PCNX1: variants seen among roughly 807,000 people sequenced by gnomAD.
PCNX1 encodes pecanex-like protein 1.
PCNX1 carries 78 observed loss-of-function variants against 242.2 expected under a neutral mutation model. That is an observed-to-expected ratio of 0.32 (90% CI 0.27 to 0.39). The LOEUF (loss-of-function observed/expected upper bound fraction) is 0.39, where lower values mean the gene tolerates loss of function less well. PCNX1 is among the 10% of genes least tolerant of loss of function. PCNX1 has a pLI of 1.00. For missense variants in PCNX1, 2,581 were observed against 2,856.5 expected, an observed-to-expected ratio of 0.90 and a Z score of 2.20; for synonymous variants, 1,024 against 1,032.9, an observed-to-expected ratio of 0.99 and a Z score of 0.17.
chr14:71,011,833 T>C (rs2059829358), intron 10 of PCNX1: 1 of 293,610 alleles, frequency 3.4e-6, no homozygotes, highest in Admixed American at 5.0e-5. Context: ...GTGTTATATA[T>C]AGGAAGTAAA....
chr14:71,057,669 T>G lies in PCNX1; in HGVS notation c.4797T>G (p.Leu1599=), dbSNP rs748474559. 5 of 1,613,830 alleles carry G rather than the reference T, an allele frequency of 3.1e-6. No homozygotes were observed. The African/African-American group carries it at 6.7e-5, about 22-fold the overall frequency. ...ASDYLNALVH[L]IEIGNGLVTF... ...ACTATCTCAATGCATTAGTACACCT[T>G]ATAGAGATAGGCAATGGTCTGGTCA... Residue 1599 remains leucine, a synonymous_variant, in exon 26 of 36, where the codon CTT becomes CTG. Coordinates refer to ENST00000304743, the MANE Select transcript of PCNX1 (RefSeq NM_014982.3).
intron 28 of PCNX1, among the ~76,000 whole-genome samples, chr14:71,077,452 C>T (rs1195287059): frequency 6.6e-6 from 1 of 152,194 alleles, no homozygotes; most frequent in African/African-American, 2.4e-5. Flanking sequence ...TACCGACCAT[C>T]TTCACGTTTA....
chr14:71,075,835 G>A (rs183322918), intron 27 of PCNX1, among the ~76,000 whole-genome samples: 138 of 152,116 alleles, frequency 9.1e-4, no homozygotes, highest in African/African-American at 3.2e-3. Context: ...GCAGTGAGCC[G>A]AGATTATGCC....
rs1297286720 is a variant in PCNX1 at position 71,109,924 on chromosome 14, G to A, written c.7015G>A (p.Ala2339Thr). 1.2e-6 allele frequency: 2 copies of A among 1,613,330 alleles called. No individual in the cohort carries two copies. The change falls in exon 36 of 36, where the codon GCT (alanine) becomes ACT (threonine). Residue 2339 changes from alanine to threonine, a missense_variant. Ala to Thr is a moderately conservative substitution (Grantham distance 58, BLOSUM62 0). This residue lies in a region of PCNX1 where 432 missense variants were observed against 433.6 expected (regional missense o/e 1.00). Transcript: ENST00000304743. ...VIETGVLELGAEV is the reference protein window; with the variant it reads ...VIETGVLELGTEV The stretch of plus-strand genomic sequence containing the variant: ...TGAAACTGGGGTACTAGAACTTGGG[G>A]CTGAAGTGTGAGCCAGTGTTTATTA...
chr14:71,098,553 T>TGTGTGTGTGTGAGAGAGAGA (rs60367565), intron 30 of PCNX1, among the ~76,000 whole-genome samples: 6 of 125,736 alleles, frequency 4.8e-5, no homozygotes, highest in East Asian at 2.4e-4. Context: ...TGTGTGTGTG[T>TGTGTGTGTGTGAGAGAGAGA]GAGAGAGAGA....
chr14:70,949,749 T>C (rs1311973670), intron 2 of PCNX1, among the ~76,000 whole-genome samples: 1 of 152,196 alleles, frequency 6.6e-6, no homozygotes, highest in Non-Finnish European at 1.5e-5. Context: ...TTGCCCACTT[T>C]CCACTTTACC....
At chr14:70,957,508 GAAAGAAGCCAGAC>G (rs1472002128) in intron 2 of PCNX1, among the ~76,000 whole-genome samples, 1 of 152,158 alleles carries the variant, frequency 6.6e-6, no homozygotes, top group Non-Finnish European at 1.5e-5. Flanking sequence ...TATGCTAAGT[GAAAGAAGCCAGAC>G]ACAAAACATC....
In PCNX1 at chr14:71,089,491, C is replaced by A. The variant is rs188859464; in HGVS notation, c.5589+149C>A. 561 of 596,870 alleles carry A rather than the reference C, an allele frequency of 9.4e-4. 5 individuals carry two copies. In the African/African-American group the frequency reaches 1.0e-2, roughly 11 times the overall value. The allele number at this position is 596,870 out of a possible 1,614,324, so 37.0% of individuals were successfully genotyped here. On this transcript the variant is annotated intron_variant, in intron 30 of 35. Transcript: ENST00000304743. ...AAAGAGGTTTAATTGACTCACAGTT[C>A]CACAGGGGTGGGGAGGCCTCAGGAA...
intron 28 of PCNX1, among the ~76,000 whole-genome samples, chr14:71,082,867 A>T (rs531534967): frequency 2.6e-5 from 4 of 152,212 alleles, no homozygotes; most frequent in African/African-American, 9.6e-5. Context: ...ATATTGTTAT[A>T]TGTGAATTTG....
At chr14:70,918,892 T>G (rs1447330594) in intron 1 of PCNX1, among the ~76,000 whole-genome samples, 1 of 151,906 alleles carries the variant, frequency 6.6e-6, no homozygotes, top group Non-Finnish European at 1.5e-5. Flanking sequence ...TGGTTTTTTT[T>G]TTTTTTTTAG....
At chr14:70,918,001 G>A (rs1322555190) in intron 1 of PCNX1, among the ~76,000 whole-genome samples, 1 of 152,148 alleles carries the variant, frequency 6.6e-6, no homozygotes, top group East Asian at 1.9e-4. Context: ...ACCAACTTCT[G>A]CTAGAGTCAA....
chr14:70,959,702 G>A (rs1017821290), intron 2 of PCNX1, among the ~76,000 whole-genome samples: 1 of 150,916 alleles, frequency 6.6e-6, no homozygotes, highest in African/African-American at 2.4e-5. Flanking sequence ...GTGTGCATGT[G>A]TCTTTATAGC....
intron 6 of PCNX1, among the ~76,000 whole-genome samples, chr14:70,981,962 T>C (rs1194950100): frequency 1.3e-5 from 2 of 152,222 alleles, no homozygotes; most frequent in African/African-American, 4.8e-5. Flanking sequence ...CTGTGAAATT[T>C]ATTTTAAATA....
At chr14:71,053,211 G>A (rs2061086892) in intron 24 of PCNX1, 1 of 448,820 alleles carries the variant, frequency 2.2e-6, no homozygotes, top group Non-Finnish European at 4.4e-6. Flanking sequence ...GTAATGTTCA[G>A]TGGCTGCAGT....
At chr14:71,095,134 C>A in intron 30 of PCNX1, among the ~76,000 whole-genome samples, 1 of 152,070 alleles carries the variant, frequency 6.6e-6, no homozygotes, top group African/African-American at 2.4e-5. Context: ...TATTTAATTG[C>A]TTTTGTAAAA....
intron 19 of PCNX1, 72 bp from the exon 20 acceptor site, chr14:71,045,061 C>A: frequency 9.0e-7 from 1 of 1,116,106 alleles, no homozygotes; most frequent in Non-Finnish European, 1.3e-6. Flanking sequence ...GAAAATTGAA[C>A]TGACAAATTA....
intron 2 of PCNX1, among the ~76,000 whole-genome samples, chr14:70,949,208 C>G (rs1446479499): frequency 7.6e-6 from 1 of 132,312 alleles, no homozygotes; most frequent in Non-Finnish European, 1.6e-5. Context: ...TGTGTATATA[C>G]ACATGTATAT....
chr14:70,976,245 A>G (rs1289319425), intron 5 of PCNX1, among the ~76,000 whole-genome samples: 8 of 152,348 alleles, frequency 5.3e-5, no homozygotes, highest in Non-Finnish European at 1.0e-4. Context: ...CCCATTTTGC[A>G]GATGAGGAAA....
chr14:71,108,627 G>T lies in PCNX1; in HGVS notation c.6325G>T (p.Val2109Leu). Reference sequence around the variant, plus strand: ...AGGCACTAGCCACAGCTCTCACTCTGTGCAGTCGGGCCTGGTCAGACAGTC... The same window carrying T: ...AGGCACTAGCCACAGCTCTCACTCTTTGCAGTCGGGCCTGGTCAGACAGTC... The part of the protein sequence containing the change: ...TLGTSHSSHS[V>L]QSGLVRQSPA... Residue 2109 changes from valine (V) to leucine (L), a missense_variant, in exon 34 of 36, where the codon GTG becomes TTG. Transcript: ENST00000304743. 6.2e-7 allele frequency: 1 copy of T among 1,613,144 alleles called. No individual in the cohort carries two copies. The highest frequency in any genetic ancestry group is 1.7e-5 in the Admixed American group (1 of 59,982).
Sources: gnomAD v4.1 joint callset for allele counts (sites outside exome capture counted in the v4.1 genomes callset) on GRCh38, gnomAD v4.1.1 for gene constraint, gnomAD v4.1.1 regional missense constraint, MANE v1.5 for transcripts, NCBI Gene and HGNC (gene_info 2026-07-23, HGNC 2026-07-21) for gene names.